WWC2: variants seen among roughly 807,000 people sequenced by gnomAD.
WWC2 encodes protein WWC2.
WWC2 carries 101 observed loss-of-function variants against 138.5 expected under a neutral mutation model. The ratio of observed to expected loss-of-function variants is 0.73; its 90% CI spans 0.62 to 0.86. The LOEUF (loss-of-function observed/expected upper bound fraction) is 0.86, where lower values mean the gene tolerates loss of function less well. WWC2 is among the 40% of genes least tolerant of loss of function. WWC2 has a pLI of 0.00. For synonymous variants in WWC2, 558 were observed against 538.4 expected, an observed-to-expected ratio of 1.04 and a Z score of -0.50; for missense variants, 1,420 against 1,419.4, an observed-to-expected ratio of 1.00 and a Z score of -0.01.
At chr4:183,298,392 A>T (rs1035781256) in intron 21 of WWC2, among the ~76,000 whole-genome samples, 5 of 152,158 alleles carry the variant, frequency 3.3e-5, no homozygotes, top group Admixed American at 2.6e-4. Context: ...TAGCCTGATG[A>T]TACCCAGGGA....
At chr4:183,226,131 T>G (rs979591244) in intron 4 of WWC2, among the ~76,000 whole-genome samples, 1 of 148,722 alleles carries the variant, frequency 6.7e-6, no homozygotes, top group Admixed American at 6.8e-5. Flanking sequence ...GGGTCTCGGC[T>G]CTGTCATTCA....
intron 1 of WWC2, among the ~76,000 whole-genome samples, chr4:183,116,663 A>C (rs927007603): frequency 2.6e-5 from 4 of 152,262 alleles, no homozygotes; most frequent in Admixed American, 2.6e-4. Flanking sequence ...AGTTTGCCTT[A>C]ACAACTTAGC....
chr4:183,164,332 TATATACA>T (rs1561443854), intron 1 of WWC2, among the ~76,000 whole-genome samples: 109 of 7,258 alleles, frequency 0.015, 12 homozygotes, highest in Admixed American at 0.024. Context: ...TATATATATA[TATATACA>T]TATATATATT....
At chr4:183,129,450 G>A (rs188947266) in intron 1 of WWC2, among the ~76,000 whole-genome samples, 2 of 152,262 alleles carry the variant, frequency 1.3e-5, no homozygotes, top group Admixed American at 1.3e-4. Flanking sequence ...ATATTTTAAG[G>A]TCTGTCTTGT....
Position 183,274,560 on chromosome 4 carries a change from A to AGGATCAGT in WWC2, c.2562+3320_2562+3327dup, listed in dbSNP as rs1341321120. ...AATCATCACACTTAGGAACTACAAAAGGATCAGTATGCGACTTCTTTTGTT... is the reference window on the plus strand; with the variant it reads ...AATCATCACACTTAGGAACTACAAAAGGATCAGTGGATCAGTATGCGACTTCTTTTGTT... On this transcript the variant is annotated intron_variant, in intron 16 of 22. Coordinates refer to ENST00000403733, the MANE Select transcript of WWC2 (RefSeq NM_024949.6). 2.0e-5 allele frequency among the ~76,000 whole-genome samples: 3 copies of AGGATCAGT among 152,318 alleles called. No homozygotes were observed. The East Asian group carries it at 5.8e-4, about 29-fold the overall frequency.
chr4:183,264,664 T>C (rs1247747047), intron 11 of WWC2, among the ~76,000 whole-genome samples: 1 of 152,200 alleles, frequency 6.6e-6, no homozygotes, highest in African/African-American at 2.4e-5. Flanking sequence ...ATATGAACAC[T>C]GCAGTGAATG....
chr4:183,299,211 C>A (rs1580163534), intron 21 of WWC2, among the ~76,000 whole-genome samples: 1 of 152,190 alleles, frequency 6.6e-6, no homozygotes, highest in East Asian at 1.9e-4. Flanking sequence ...GGGTATTACA[C>A]CCACACATGA....
chr4:183,129,345 C>T (rs1342545443), intron 1 of WWC2, among the ~76,000 whole-genome samples: 4 of 152,110 alleles, frequency 2.6e-5, no homozygotes, highest in Non-Finnish European at 5.9e-5. Flanking sequence ...CTCTTTGAGA[C>T]TGAAGGTCAT....
chr4:183,267,110 G>A (rs79021450), intron 14 of WWC2, among the ~76,000 whole-genome samples: 19 of 151,748 alleles, frequency 1.3e-4, no homozygotes, highest in Admixed American at 9.2e-4. Flanking sequence ...TCCCACCTTG[G>A]TCTCCCAAAG....
chr4:183,114,387 A>G (rs1230357008), intron 1 of WWC2, among the ~76,000 whole-genome samples: 1 of 152,180 alleles, frequency 6.6e-6, no homozygotes, highest in Non-Finnish European at 1.5e-5. Context: ...AGGTGCTTAT[A>G]GCAATGCAAG....
chr4:183,185,724 A>T (rs1023240467), intron 1 of WWC2, among the ~76,000 whole-genome samples: 2 of 152,134 alleles, frequency 1.3e-5, no homozygotes, highest in Non-Finnish European at 2.9e-5. Flanking sequence ...TGTTGACTGG[A>T]GAGATGTGTG....
chr4:183,146,967 C>T (rs971153608), intron 1 of WWC2, among the ~76,000 whole-genome samples: 18 of 152,090 alleles, frequency 1.2e-4, no homozygotes, highest in African/African-American at 4.3e-4. Flanking sequence ...TTAATGTTCT[C>T]GAGAAACACT....
intron 6 of WWC2, 107 bp from the exon 7 acceptor site, chr4:183,248,604 AGTT>A: frequency 1.7e-6 from 2 of 1,151,896 alleles, no homozygotes; most frequent in African/African-American, 3.1e-5. Context: ...ACTAAAATAA[AGTT>A]GTTTTTTTCC....
rs1010138780 is a variant in WWC2 at position 183,317,785 on chromosome 4, T to A, written c.*2056T>A. 1.3e-5 allele frequency: 2 copies of A among 152,234 alleles called. No homozygotes were observed. The highest frequency in any genetic ancestry group is 2.9e-5 in the Non-Finnish European group (2 of 68,022). The allele number at this position is 152,234 out of a possible 1,614,324, so 9.4% of individuals were successfully genotyped here. A position where few individuals can be genotyped will look rare whatever the true frequency, so the allele number is the denominator to read the frequency against. On this transcript the variant is annotated 3_prime_UTR_variant, in exon 23 of 23. Transcript: ENST00000403733. ...TTTCATCAGATTAGCTGTTGACTTTTTGTAATACAAAAAGTTTCAGACAAG... is the reference window on the plus strand; with the variant it reads ...TTTCATCAGATTAGCTGTTGACTTTATGTAATACAAAAAGTTTCAGACAAG...
chr4:183,289,639 C>G lies in WWC2; in HGVS notation c.3384+4C>G. The G allele has an allele frequency of 6.2e-7, 1 of 1,613,168 alleles. No homozygotes were observed. The highest frequency in any genetic ancestry group is 8.5e-7 in the Non-Finnish European group (1 of 1,179,678). On this transcript the variant is annotated splice_donor_region_variant and intron_variant, in intron 21 of 22. Transcript: ENST00000403733. ...TCTGAAGCAAGCTGAGAAGCAGGTA[C>G]GCAGCTCAGGGTCTGTCATCTCGGA...
At chr4:183,181,385 G>A in intron 1 of WWC2, among the ~76,000 whole-genome samples, 1 of 152,294 alleles carries the variant, frequency 6.6e-6, no homozygotes, top group East Asian at 1.9e-4. Flanking sequence ...AAGAAGTGGA[G>A]AAAAGTAATG....
At chr4:183,146,400 C>T (rs1399789665) in intron 1 of WWC2, among the ~76,000 whole-genome samples, 3 of 152,136 alleles carry the variant, frequency 2.0e-5, no homozygotes, top group South Asian at 2.1e-4. Context: ...AGATGAGGGC[C>T]GTAGGGGGTG....
chr4:183,267,781 G>A (rs1457029797), intron 14 of WWC2, among the ~76,000 whole-genome samples: 1 of 152,196 alleles, frequency 6.6e-6, no homozygotes, highest in Non-Finnish European at 1.5e-5. Context: ...GGCACTTGTT[G>A]AGTTGGTGCG....
chr4:183,164,265 CATATATATATATATATATAT>C (rs1300397704), intron 1 of WWC2, among the ~76,000 whole-genome samples: 6 of 72,844 alleles, frequency 8.2e-5, no homozygotes, highest in African/African-American at 3.5e-4. Context: ...TTGGTGTGCG[CATATATATATATATATATAT>C]ATATATATAT....
Sources: gnomAD v4.1 joint callset for allele counts (sites outside exome capture counted in the v4.1 genomes callset) on GRCh38, gnomAD v4.1.1 for gene constraint, MANE v1.5 for transcripts, NCBI Gene and HGNC (gene_info 2026-07-23, HGNC 2026-07-21) for gene names.